PTTG1IP2: variants seen among roughly 807,000 people sequenced by gnomAD.
PTTG1IP2 encodes PTTG1IP family member 2.
chr7:90,511,565 A>G (rs1041764248), intron 6 of PTTG1IP2, among the ~76,000 whole-genome samples: 1 of 152,118 alleles, frequency 6.6e-6, no homozygotes, highest in Non-Finnish European at 1.5e-5. Context: ...GTATTTATTT[A>G]TAATGTAGTT....
At chr7:90,509,780 GAC>G (rs1339534515) in intron 6 of PTTG1IP2, among the ~76,000 whole-genome samples, 1 of 152,160 alleles carries the variant, frequency 6.6e-6, no homozygotes, top group Non-Finnish European at 1.5e-5. Context: ...AGTGGGCTGG[GAC>G]ACACAGTGCT....
intron 2 of PTTG1IP2, among the ~76,000 whole-genome samples, chr7:90,481,666 C>A (rs1028862739): frequency 6.6e-6 from 1 of 152,094 alleles, no homozygotes; most frequent in African/African-American, 2.4e-5. Context: ...AGGAAGAATA[C>A]CCCCTGCACT....
chr7:90,485,990 T>C (rs898188227), intron 2 of PTTG1IP2, among the ~76,000 whole-genome samples: 2 of 152,248 alleles, frequency 1.3e-5, no homozygotes, highest in African/African-American at 2.4e-5. Context: ...ACAAGACTCA[T>C]TCAGTGAAAG....
intron 1 of PTTG1IP2, among the ~76,000 whole-genome samples, chr7:90,473,743 A>T (rs1314104342): frequency 6.6e-6 from 1 of 152,288 alleles, no homozygotes; most frequent in South Asian, 2.1e-4. Flanking sequence ...CCTCTCTGAC[A>T]GTACTTGTTT....
intron 6 of PTTG1IP2, among the ~76,000 whole-genome samples, chr7:90,503,883 C>T (rs17862213): frequency 0.017 from 2,630 of 152,206 alleles, 36 homozygotes; most frequent in Non-Finnish European, 0.028. Context: ...AAAAATGGTG[C>T]CGACACATTT....
intron 2 of PTTG1IP2, among the ~76,000 whole-genome samples, chr7:90,482,057 A>G (rs17863123): frequency 0.023 from 3,565 of 152,238 alleles, 69 homozygotes; most frequent in Non-Finnish European, 0.03. Flanking sequence ...ATAATTCCAC[A>G]TGGTCAACAT....
chr7:90,486,382 A>G (rs1188822861), intron 2 of PTTG1IP2, among the ~76,000 whole-genome samples: 1 of 23,082 alleles, frequency 4.3e-5, no homozygotes, highest in Non-Finnish European at 2.3e-4. Context: ...GTGAGTGGAT[A>G]TATATATATA....
At chr7:90,495,068 A>G (rs545955544) in intron 6 of PTTG1IP2, among the ~76,000 whole-genome samples, 2 of 152,328 alleles carry the variant, frequency 1.3e-5, no homozygotes, top group South Asian at 2.1e-4. Flanking sequence ...AAGTGGAGAT[A>G]TAACAGTTCA....
chr7:90,510,723 A>C (rs978138312), intron 6 of PTTG1IP2, among the ~76,000 whole-genome samples: 1 of 152,236 alleles, frequency 6.6e-6, no homozygotes, highest in Non-Finnish European at 1.5e-5. Context: ...CAGGCAATGT[A>C]AAAAAGCAAA....
At chr7:90,481,201 T>C (rs1251406913) in intron 2 of PTTG1IP2, among the ~76,000 whole-genome samples, 1 of 152,158 alleles carries the variant, frequency 6.6e-6, no homozygotes, top group Non-Finnish European at 1.5e-5. Flanking sequence ...AATTTGAAAT[T>C]TTATTTTTTG....
intron 6 of PTTG1IP2, among the ~76,000 whole-genome samples, chr7:90,497,599 C>T (rs1177034392): frequency 6.8e-6 from 1 of 147,152 alleles, no homozygotes; most frequent in African/African-American, 2.5e-5. Context: ...AAAAAGTTAG[C>T]CAGGCTACTA....
At chr7:90,506,163 G>T (rs915650023) in intron 6 of PTTG1IP2, among the ~76,000 whole-genome samples, 8 of 152,078 alleles carry the variant, frequency 5.3e-5, no homozygotes, top group Admixed American at 5.2e-4. Flanking sequence ...TCATAATGAG[G>T]GATACATTTT....
At position 90,505,365 on chromosome 7, in the gene PTTG1IP2, A is replaced by G. The variant is rs1228223552; in HGVS notation, c.*51-7913A>G. 1.5e-4 allele frequency among the ~76,000 whole-genome samples: 23 copies of G among 152,226 alleles called. 1 individual carries two copies. Reference sequence around the variant, plus strand: ...CTTAACCATCATGATTGTACAACCAATAGGAATTTACTCTGACATTTTGTT... The same window carrying G: ...CTTAACCATCATGATTGTACAACCAGTAGGAATTTACTCTGACATTTTGTT... On this transcript the variant is annotated intron_variant, in intron 6 of 6. Coordinates refer to ENST00000509356, the MANE Select transcript of PTTG1IP2 (RefSeq NM_001365443.2).
intron 5 of PTTG1IP2, among the ~76,000 whole-genome samples, chr7:90,493,791 C>G (rs567980403): frequency 2.0e-5 from 3 of 152,248 alleles, no homozygotes; most frequent in Non-Finnish European, 2.9e-5. Flanking sequence ...AGAAAGGGGT[C>G]TGAAGACGGA....
chr7:90,471,511 A>T (rs1404181016), intron 1 of PTTG1IP2, among the ~76,000 whole-genome samples: 1 of 152,246 alleles, frequency 6.6e-6, no homozygotes, highest in Non-Finnish European at 1.5e-5. Context: ...ATTAAAAAAT[A>T]TACTGAAACC....
intron 4 of PTTG1IP2, among the ~76,000 whole-genome samples, chr7:90,489,428 A>C (rs1797914112): frequency 6.6e-6 from 1 of 151,808 alleles, no homozygotes; most frequent in Non-Finnish European, 1.5e-5. Flanking sequence ...ATTAGATCTT[A>C]AGATTACTAA....
chr7:90,494,500 A>T (rs1797971727), intron 6 of PTTG1IP2, 70 bp downstream of exon 6: 1 of 152,220 alleles, frequency 6.6e-6, no homozygotes, highest in Admixed American at 6.5e-5. Context: ...GCCACTTTTC[A>T]GGAATATAAT....
intron 2 of PTTG1IP2, among the ~76,000 whole-genome samples, chr7:90,481,958 A>G (rs1040724518): frequency 1.1e-4 from 17 of 152,218 alleles, no homozygotes; most frequent in Non-Finnish European, 1.8e-4. Context: ...AATTTTCTAA[A>G]TATCATTTAT....
At chr7:90,476,910 A>G (rs1406116374) in intron 1 of PTTG1IP2, among the ~76,000 whole-genome samples, 1 of 152,092 alleles carries the variant, frequency 6.6e-6, no homozygotes, top group Non-Finnish European at 1.5e-5. Flanking sequence ...TTTTTATATT[A>G]TTAATTTATT....
Sources: allele counts gnomAD v4.1 joint callset (sites outside exome capture counted in the v4.1 genomes callset), GRCh38; gene constraint gnomAD v4.1.1; transcripts MANE v1.5; gene names NCBI Gene and HGNC (gene_info 2026-07-23, HGNC 2026-07-21).